Variants in DOCK3 observed in about 807,000 individuals in gnomAD.
DOCK3 encodes dedicator of cytokinesis protein 3.
A neutral mutation model predicts 265.6 loss-of-function variants in DOCK3; 60 were observed. The observed-to-expected ratio is 0.23, with a 90% confidence interval of 0.18 to 0.28. DOCK3 has a LOEUF of 0.28. DOCK3 is among the 10% of genes least tolerant of loss of function. The pLI, the probability that DOCK3 is intolerant of heterozygous loss-of-function variation, is 1.00. For synonymous variants in DOCK3, 881 were observed against 938.0 expected, an observed-to-expected ratio of 0.94 and a Z score of 1.11; for missense variants, 1,981 against 2,594.3, an observed-to-expected ratio of 0.76 and a Z score of 5.14.
In DOCK3 at chr3:51,338,863, A is replaced by G. The variant is rs375349359; in HGVS notation, c.3673-72A>G. 10 of 1,333,524 alleles carry G rather than the reference A, an allele frequency of 7.5e-6. 1 individual carries two copies. Among genetic ancestry groups the G allele is most frequent in the East Asian group, 5.0e-5 (2 of 40,096 alleles). The allele number at this position is 1,333,524 out of a possible 1,614,324, so 82.6% of individuals were successfully genotyped here. ...CCTCCTGCCCAGCACACCCACGGCT[A>G]TGGCCAGCTGCCCAGAGCTTGGCTA... On this transcript the variant is annotated intron_variant, in intron 36 of 52. Coordinates refer to ENST00000266037, the MANE Select transcript of DOCK3 (RefSeq NM_004947.5).
chr3:50,789,504 G>A (rs184152555), intron 2 of DOCK3, among the ~76,000 whole-genome samples: 1 of 152,228 alleles, frequency 6.6e-6, no homozygotes, highest in East Asian at 1.9e-4. Context: ...TTGTTCTAGG[G>A]TATAGTTTAA....
At chr3:51,328,685 C>T (rs946241553) in intron 32 of DOCK3, among the ~76,000 whole-genome samples, 6 of 151,176 alleles carry the variant, frequency 4.0e-5, no homozygotes, top group African/African-American at 1.5e-4. Flanking sequence ...GCCCTAACTG[C>T]CTTCATTGAA....
chr3:51,109,239 A>G (rs1443995696), intron 9 of DOCK3, among the ~76,000 whole-genome samples: 1 of 152,224 alleles, frequency 6.6e-6, no homozygotes, highest in Admixed American at 6.5e-5. Context: ...AAATCACACA[A>G]TTACAGGGAA....
At chr3:50,920,857 A>G (rs1331189965) in intron 4 of DOCK3, among the ~76,000 whole-genome samples, 1 of 152,030 alleles carries the variant, frequency 6.6e-6, no homozygotes, top group Admixed American at 6.5e-5. Context: ...TCAATTTTAG[A>G]TCTTTCCTGC....
intron 1 of DOCK3, among the ~76,000 whole-genome samples, chr3:50,761,862 G>T (rs1479372233): frequency 6.6e-6 from 1 of 152,146 alleles, no homozygotes; most frequent in Non-Finnish European, 1.5e-5. Flanking sequence ...CCAACCAAAT[G>T]TCCACAATGA....
intron 23 of DOCK3, among the ~76,000 whole-genome samples, chr3:51,267,495 C>A (rs1560317558): frequency 6.6e-6 from 1 of 151,822 alleles, no homozygotes; most frequent in African/African-American, 2.4e-5. Flanking sequence ...AGTGATTCTC[C>A]TGCCTCAGCC....
intron 21 of DOCK3, among the ~76,000 whole-genome samples, chr3:51,238,826 A>G (rs563439297): frequency 5.9e-5 from 9 of 152,276 alleles, no homozygotes; most frequent in Admixed American, 5.2e-4. Flanking sequence ...TCCATGGTAT[A>G]TATGTACCAC....
intron 2 of DOCK3, among the ~76,000 whole-genome samples, chr3:50,797,389 G>A (rs1216335141): frequency 6.6e-6 from 1 of 152,264 alleles, no homozygotes; most frequent in African/African-American, 2.4e-5. Flanking sequence ...GGCATTGGAA[G>A]GGATGGGTCT....
At chr3:50,852,475 C>T (rs1279405239) in intron 3 of DOCK3, among the ~76,000 whole-genome samples, 2 of 152,032 alleles carry the variant, frequency 1.3e-5, no homozygotes, top group African/African-American at 4.8e-5. Flanking sequence ...TATGTTTTGT[C>T]TTTATTATGG....
intron 9 of DOCK3, among the ~76,000 whole-genome samples, chr3:51,091,676 T>G (rs2082643242): frequency 2.2e-5 from 2 of 89,256 alleles, no homozygotes; most frequent in Non-Finnish European, 2.1e-5. Context: ...GTGTGAGACT[T>G]GGTCTCAAAA....
chr3:51,253,008 G>GGA (rs2079342705), intron 22 of DOCK3, among the ~76,000 whole-genome samples: 1 of 152,102 alleles, frequency 6.6e-6, no homozygotes, highest in Non-Finnish European at 1.5e-5. Flanking sequence ...TTTGTCATAA[G>GGA]TAGCTCGTAT....
chr3:51,292,572 G>A (rs1422075820), intron 27 of DOCK3, among the ~76,000 whole-genome samples: 1 of 152,098 alleles, frequency 6.6e-6, no homozygotes, highest in Non-Finnish European at 1.5e-5. Flanking sequence ...AGGAGTTTGA[G>A]ACCAGCCTGG....
At chr3:51,027,325 C>G (rs1335416796) in intron 5 of DOCK3, among the ~76,000 whole-genome samples, 1 of 151,222 alleles carries the variant, frequency 6.6e-6, no homozygotes, top group Non-Finnish European at 1.5e-5. Context: ...CTTAGTATGC[C>G]TTTGATTTTT....
chr3:50,870,295 A>C (rs993307061), intron 3 of DOCK3, among the ~76,000 whole-genome samples: 2 of 152,148 alleles, frequency 1.3e-5, no homozygotes, highest in Non-Finnish European at 2.9e-5. Context: ...TGTGTTCTCC[A>C]GTGTTGGTTG....
chr3:51,333,137 T>C, intron 34 of DOCK3, 21 bp from the exon 35 acceptor site: 1 of 1,613,910 alleles, frequency 6.2e-7, no homozygotes, highest in Non-Finnish European at 8.5e-7. Context: ...GTGTTTGCTT[T>C]CTCCACCCCT....
chr3:50,749,446 C>T (rs1292687967), intron 1 of DOCK3, among the ~76,000 whole-genome samples: 1 of 152,168 alleles, frequency 6.6e-6, no homozygotes, highest in Non-Finnish European at 1.5e-5. Context: ...TTCTTCTCTA[C>T]CTCGTCTTGT....
intron 2 of DOCK3, among the ~76,000 whole-genome samples, chr3:50,812,376 T>A (rs1017530389): frequency 1.3e-5 from 2 of 152,196 alleles, no homozygotes; most frequent in Non-Finnish European, 2.9e-5. Flanking sequence ...AAAAGAAAGA[T>A]GTTTATAGGG....
intron 5 of DOCK3, among the ~76,000 whole-genome samples, chr3:51,045,622 G>A (rs895562757): frequency 2.6e-5 from 4 of 152,204 alleles, no homozygotes; most frequent in South Asian, 2.1e-4. Flanking sequence ...GCAATAAAAC[G>A]AGGTATGCCT....
chr3:51,337,789 A>G (rs970639828), intron 35 of DOCK3, among the ~76,000 whole-genome samples: 6 of 152,182 alleles, frequency 3.9e-5, no homozygotes, highest in African/African-American at 1.4e-4. Context: ...CCTGCTAGGT[A>G]TGAATGCAGC....
Sources: gnomAD v4.1 joint callset for allele counts (sites outside exome capture counted in the v4.1 genomes callset) on GRCh38, gnomAD v4.1.1 for gene constraint, MANE v1.5 for transcripts, NCBI Gene and HGNC (gene_info 2026-07-23, HGNC 2026-07-21) for gene names.